AKAP19: variants seen among roughly 807,000 people sequenced by gnomAD.
AKAP19 encodes A-kinase anchoring protein 19, also known as small A-kinase anchoring protein.
At chr2:190,121,789 G>A in the AKAP19 span, among the ~76,000 whole-genome samples, 1 of 152,202 alleles carries the variant, frequency 6.6e-6, no homozygotes, top group Admixed American at 6.5e-5. Context: ...CCCAAGAAAA[G>A]CAATGGAAAC....
chr2:190,103,514 C>A, the AKAP19 span, among the ~76,000 whole-genome samples: 1 of 152,170 alleles, frequency 6.6e-6, no homozygotes, highest in Non-Finnish European at 1.5e-5. Flanking sequence ...AATCAACGTA[C>A]AAATATCAGT....
the AKAP19 span, among the ~76,000 whole-genome samples, chr2:189,946,651 A>AT: frequency 6.6e-6 from 1 of 152,222 alleles, no homozygotes; most frequent in African/African-American, 2.4e-5. Flanking sequence ...ATCTGAAGTT[A>AT]TCTCTTAGAT....
At chr2:189,944,828 T>A in the AKAP19 span, among the ~76,000 whole-genome samples, 4 of 152,200 alleles carry the variant, frequency 2.6e-5, no homozygotes, top group Admixed American at 2.6e-4. Flanking sequence ...TTCTCCAGAA[T>A]GGACCATATC....
At chr2:190,106,508 CTTAA>C in the AKAP19 span, among the ~76,000 whole-genome samples, 1 of 152,084 alleles carries the variant, frequency 6.6e-6, no homozygotes, top group Admixed American at 6.6e-5. Flanking sequence ...CTTTCCTGTT[CTTAA>C]TTGTTTTCAA....
At chr2:190,120,343 T>G in the AKAP19 span, among the ~76,000 whole-genome samples, 1 of 151,724 alleles carries the variant, frequency 6.6e-6, no homozygotes, top group Non-Finnish European at 1.5e-5. Flanking sequence ...GCGAAACCAG[T>G]CCCTGGTGCC....
At chr2:190,043,602 TGATTCATATTTTCCTGG>T in the AKAP19 span, among the ~76,000 whole-genome samples, 6 of 152,214 alleles carry the variant, frequency 3.9e-5, no homozygotes, top group Non-Finnish European at 4.4e-5. Context: ...TGCTTCATTG[TGATTCATATTTTCCTGG>T]GATTGGGTTT....
chr2:190,126,617 TG>T, the AKAP19 span, among the ~76,000 whole-genome samples: 1 of 152,112 alleles, frequency 6.6e-6, no homozygotes, highest in African/African-American at 2.4e-5. Flanking sequence ...AATCTTCAGT[TG>T]GTGATTAATT....
the AKAP19 span, among the ~76,000 whole-genome samples, chr2:190,074,098 C>G: frequency 1.3e-5 from 2 of 151,540 alleles, no homozygotes; most frequent in East Asian, 3.9e-4. Context: ...AAGATTTAGT[C>G]TGGTGTGGAG....
chr2:190,076,226 A>G, the AKAP19 span, among the ~76,000 whole-genome samples: 1 of 152,124 alleles, frequency 6.6e-6, no homozygotes, highest in East Asian at 1.9e-4. Context: ...GGGCTGGATT[A>G]TTCTTTATTG....
At chr2:190,123,382 C>T in the AKAP19 span, among the ~76,000 whole-genome samples, 12 of 151,898 alleles carry the variant, frequency 7.9e-5, no homozygotes, top group African/African-American at 2.7e-4. Context: ...TTGTTTGTTT[C>T]CCCCTTCCAA....
the AKAP19 span, chr2:190,060,178 C>T: frequency 1.2e-6 from 2 of 1,613,044 alleles, no homozygotes; most frequent in South Asian, 1.1e-5. Flanking sequence ...TTTTGCAACA[C>T]TGTCTTCACA....
the AKAP19 span, among the ~76,000 whole-genome samples, chr2:189,983,404 G>T: frequency 1.3e-5 from 2 of 152,270 alleles, no homozygotes; most frequent in Non-Finnish European, 2.9e-5. Flanking sequence ...CCTACCATTT[G>T]TGGAAGCCTA....
the AKAP19 span, among the ~76,000 whole-genome samples, chr2:190,055,148 A>G: frequency 6.6e-6 from 1 of 152,160 alleles, no homozygotes; most frequent in Non-Finnish European, 1.5e-5. Flanking sequence ...CTATGCAGCC[A>G]TACAAAATGA....
the AKAP19 span, among the ~76,000 whole-genome samples, chr2:189,894,752 T>A: frequency 6.6e-6 from 1 of 151,356 alleles, no homozygotes; most frequent in Admixed American, 6.6e-5. Flanking sequence ...CAATATTTCT[T>A]ATGCTTGAAA....
the AKAP19 span, among the ~76,000 whole-genome samples, chr2:190,160,393 C>A: frequency 3.3e-5 from 5 of 152,198 alleles, no homozygotes; most frequent in Non-Finnish European, 7.4e-5. Flanking sequence ...CTTTCGTGAT[C>A]CCTACTTCAA....
chr2:190,032,224 T>C, the AKAP19 span, among the ~76,000 whole-genome samples: 2 of 152,194 alleles, frequency 1.3e-5, no homozygotes, highest in Non-Finnish European at 2.9e-5. Flanking sequence ...TTTCAGGAAT[T>C]GTACTAGAAT....
chr2:190,007,083 T>C, the AKAP19 span, among the ~76,000 whole-genome samples: 1 of 152,184 alleles, frequency 6.6e-6, no homozygotes, highest in African/African-American at 2.4e-5. Flanking sequence ...ATGAAAAGTT[T>C]TAGTAATTTT....
At chr2:190,122,303 G>A in the AKAP19 span, among the ~76,000 whole-genome samples, 1 of 152,306 alleles carries the variant, frequency 6.6e-6, no homozygotes, top group African/African-American at 2.4e-5. Context: ...TCATGGTGGA[G>A]CAGGGCTAAA....
At chr2:190,120,718 G>GT in the AKAP19 span, among the ~76,000 whole-genome samples, 1 of 152,124 alleles carries the variant, frequency 6.6e-6, no homozygotes, top group African/African-American at 2.4e-5. Flanking sequence ...AAATTTTAAA[G>GT]TTTTGACAGA....
Sources: gnomAD v4.1 joint callset for allele counts (sites outside exome capture counted in the v4.1 genomes callset) on GRCh38, gnomAD v4.1.1 for gene constraint, MANE v1.5 for transcripts, NCBI Gene and HGNC (gene_info 2026-07-23, HGNC 2026-07-21) for gene names.